GRPEL2: variants seen among roughly 807,000 people sequenced by gnomAD.
GRPEL2 encodes GrpE like 2, mitochondrial.
In GRPEL2, 18 loss-of-function variants were observed where a neutral mutation model predicts 25.9. That is an observed-to-expected ratio of 0.70 (90% CI 0.48 to 1.03). The LOEUF (loss-of-function observed/expected upper bound fraction) is 1.03, where lower values mean the gene tolerates loss of function less well. GRPEL2 is among the 50% of genes least tolerant of loss of function. The pLI is 0.00. For synonymous variants in GRPEL2, 106 were observed against 107.9 expected, an observed-to-expected ratio of 0.98 and a Z score of 0.11; for missense variants, 247 against 276.2, an observed-to-expected ratio of 0.89 and a Z score of 0.75.
chr5:149,351,400 C>T lies in GRPEL2; in HGVS notation c.*118C>T. The T allele has an allele frequency of 9.0e-7, 1 of 1,106,826 alleles. No individual in the cohort carries two copies. Among genetic ancestry groups the T allele is most frequent in the Non-Finnish European group, 1.3e-6 (1 of 783,600 alleles). 68.6% of individuals were successfully genotyped at this position (1,106,826 alleles called of 1,614,324 possible). A position where few individuals can be genotyped will look rare whatever the true frequency, so the allele number is the denominator to read the frequency against. ...TCATGTGATATGTTTTGGATTTAGT[C>T]ATATTGGCTTTATTTCTAAGATATT... On this transcript the variant is annotated 3_prime_UTR_variant, in exon 4 of 4. Coordinates refer to ENST00000329271, the MANE Select transcript of GRPEL2 (RefSeq NM_152407.4).
chr5:149,347,984 A>G (rs570025752), intron 1 of GRPEL2: 1 of 260,464 alleles, frequency 3.8e-6, no homozygotes, highest in South Asian at 1.1e-4. Flanking sequence ...CAACTATGTG[A>G]TCTTGAGCAG....
intron 3 of GRPEL2, 80 bp from the exon 4 acceptor site, chr5:149,350,838 A>G (rs937681543): frequency 7.5e-6 from 11 of 1,468,648 alleles, no homozygotes; most frequent in Middle Eastern, 1.8e-4. Context: ...CTAGCCGTCT[A>G]TCTAGGCCTT....
At chr5:149,348,132 G>C (rs1757718279) in intron 1 of GRPEL2, 140 bp from the exon 2 acceptor site, 1 of 691,940 alleles carries the variant, frequency 1.4e-6, no homozygotes, top group African/African-American at 1.8e-5. Flanking sequence ...TAAGGACTTC[G>C]TAAGTGTTCA....
chr5:149,346,904 A>AT (rs1272183164), intron 1 of GRPEL2, among the ~76,000 whole-genome samples: 1 of 151,366 alleles, frequency 6.6e-6, no homozygotes, highest in Non-Finnish European at 1.5e-5. Context: ...CGCCCAGCTA[A>AT]TTTTTTGTAT....
chr5:149,351,109 A>G lies in GRPEL2; in HGVS notation c.505A>G (p.Ile169Val). 1.2e-6 allele frequency: 2 copies of G among 1,614,224 alleles called. No homozygotes were observed. Among genetic ancestry groups the G allele is most frequent in the Non-Finnish European group, 1.7e-6 (2 of 1,180,032 alleles). ...GCATGGCCTGGAGAAACTGACACCC[A>G]TTGGTGACAAATATGACCCCCATGA... is the stretch of plus-strand genomic sequence containing the variant. ...AKHGLEKLTP[I>V]GDKYDPHEHE... The change falls in exon 4 of 4, where the codon ATT becomes GTT. Residue 169 changes from isoleucine (I) to valine (V), a missense_variant. Physicochemically the swap from Ile to Val is conservative, Grantham distance 29. Around this residue, in one of 2 missense-constraint regions of GRPEL2, gnomAD observed 122 missense variants for 169.2 expected, o/e 0.72. Transcript: ENST00000329271.
rs781392731 is a variant in GRPEL2 at position 149,345,593 on chromosome 5, C to T, written c.54C>T (p.Ala18=). 1.2e-6 allele frequency: 2 copies of T among 1,611,368 alleles called. No individual in the cohort carries two copies. Among genetic ancestry groups the T allele is most frequent in the South Asian group, 1.1e-5 (1 of 90,454 alleles). Residue 18 remains alanine, a synonymous_variant, in exon 1 of 4, where the codon GCC becomes GCT. Coordinates refer to ENST00000329271, the MANE Select transcript of GRPEL2 (RefSeq NM_152407.4). ...AGRLRVQRLL[A]WSAAWESKGW... is the part of the protein sequence containing the mutation. Reference sequence around the variant, plus strand: ...GGCTGCGGGTGCAGCGCCTACTGGCCTGGAGTGCCGCGTGGGAGAGCAAGT... The same window carrying T: ...GGCTGCGGGTGCAGCGCCTACTGGCTTGGAGTGCCGCGTGGGAGAGCAAGT...
Position 149,348,442 on chromosome 5 carries a change from TTTC to T in GRPEL2, c.231+24_231+26del, listed in dbSNP as rs766391862. On this transcript the variant is annotated intron_variant, in intron 2 of 3. Coordinates refer to ENST00000329271, the MANE Select transcript of GRPEL2 (RefSeq NM_152407.4). ...GATTTAACAGTGAGTCAATTTTATA[TTTC>T]TTCTTCATATCCTCTCTCTAGTTTA... is the stretch of plus-strand genomic sequence containing the variant. The T allele has an allele frequency of 4.5e-6, 7 of 1,572,630 alleles. No homozygotes were observed. Among genetic ancestry groups the T allele is most frequent in the Non-Finnish European group, 5.2e-6 (6 of 1,160,428 alleles).
chr5:149,351,114 T>C lies in GRPEL2; in HGVS notation c.510T>C (p.Gly170=). The C allele has an allele frequency of 6.2e-7, 1 of 1,614,182 alleles. No homozygotes were observed. The highest frequency in any genetic ancestry group is 8.5e-7 in the Non-Finnish European group (1 of 1,180,028). Residue 170 remains glycine (G), a synonymous_variant, in exon 4 of 4, where the codon GGT becomes GGC. Coordinates refer to ENST00000329271, the MANE Select transcript of GRPEL2 (RefSeq NM_152407.4). ...GCCTGGAGAAACTGACACCCATTGG[T>C]GACAAATATGACCCCCATGAGCATG... ...KHGLEKLTPI[G]DKYDPHEHEL...
intron 1 of GRPEL2, 108 bp downstream of exon 1, chr5:149,345,724 G>A (rs1757677634): frequency 1.1e-6 from 1 of 897,516 alleles, no homozygotes; most frequent in Non-Finnish European, 1.7e-6. Flanking sequence ...CGTAGGCCAG[G>A]GGACCAAGCT....
rs1438950505 is a variant in GRPEL2, at chr5:149,351,126, C to A, written c.522C>A (p.Asp174Glu). The change falls in exon 4 of 4, where the codon GAC (aspartate) becomes GAA (glutamate). Residue 174 changes from aspartate to glutamate, a missense_variant. Asp to Glu is a conservative substitution (Grantham distance 45). Coordinates refer to ENST00000329271, the MANE Select transcript of GRPEL2 (RefSeq NM_152407.4). ...TGACACCCATTGGTGACAAATATGA[C>A]CCCCATGAGCATGAACTCATCTGTC... ...EKLTPIGDKYDPHEHELICHV... is the reference protein window; with the variant it reads ...EKLTPIGDKYEPHEHELICHV... The A allele has an allele frequency of 6.2e-7, 1 of 1,614,154 alleles. No homozygotes were observed. Among genetic ancestry groups the A allele is most frequent in the South Asian group, 1.1e-5 (1 of 91,084 alleles).
In GRPEL2 at chr5:149,350,975, C is replaced by T. The variant is rs758874716; in HGVS notation, c.371C>T (p.Thr124Ile). The T allele has an allele frequency of 1.2e-6, 2 of 1,614,084 alleles. No homozygotes were observed. The highest frequency in any genetic ancestry group is 2.2e-5 in the East Asian group (1 of 44,888). Reference protein sequence around the residue: ...VEVADILEKTTECISEESEPE... With the variant: ...VEVADILEKTIECISEESEPE... ...GTGGCTGACATTTTGGAGAAGACTACAGAGTGCATTTCTGAAGAATCGGAG... is the reference window on the plus strand; with the variant it reads ...GTGGCTGACATTTTGGAGAAGACTATAGAGTGCATTTCTGAAGAATCGGAG... The change falls in exon 4 of 4, where the codon ACA (threonine) becomes ATA (isoleucine). Residue 124 changes from threonine to isoleucine, a missense_variant. Coordinates refer to ENST00000329271, the MANE Select transcript of GRPEL2 (RefSeq NM_152407.4).
At chr5:149,349,182 G>A (rs1275845054) in intron 2 of GRPEL2, among the ~76,000 whole-genome samples, 2 of 152,098 alleles carry the variant, frequency 1.3e-5, no homozygotes, top group African/African-American at 4.8e-5. Flanking sequence ...TTTTAGTAGA[G>A]ACAGGGTTTT....
intron 1 of GRPEL2, 29 bp downstream of exon 1, chr5:149,345,645 C>A: frequency 9.6e-6 from 15 of 1,566,154 alleles, no homozygotes; most frequent in Non-Finnish European, 1.3e-5. Context: ...GAGTCGGGAG[C>A]GTGAGGACTC....
chr5:149,351,612 A>G lies in GRPEL2; in HGVS notation c.*330A>G, dbSNP rs565274471. Reference sequence around the variant, plus strand: ...TACATGTTTCTTCCTAGCGGTCTCTATAACAGGAATTGTGTAGTATCTTGT... The same window carrying G: ...TACATGTTTCTTCCTAGCGGTCTCTGTAACAGGAATTGTGTAGTATCTTGT... On this transcript the variant is annotated 3_prime_UTR_variant, in exon 4 of 4. Coordinates refer to ENST00000329271, the MANE Select transcript of GRPEL2 (RefSeq NM_152407.4). 1.5e-4 allele frequency: 31 copies of G among 208,726 alleles called. No individual in the cohort carries two copies. Among genetic ancestry groups the G allele is most frequent in the African/African-American group, 6.4e-4 (28 of 43,838 alleles). The allele number at this position is 208,726 out of a possible 1,614,324, so 12.9% of individuals were successfully genotyped here. A position where few individuals can be genotyped will look rare whatever the true frequency, so the allele number is the denominator to read the frequency against.
chr5:149,349,602 C>T, intron 2 of GRPEL2, 52 bp from the exon 3 acceptor site: 2 of 1,265,006 alleles, frequency 1.6e-6, no homozygotes, highest in Non-Finnish European at 2.2e-6. Context: ...CATTCTCTTC[C>T]ACCAATAAGT....
intron 1 of GRPEL2, among the ~76,000 whole-genome samples, chr5:149,347,891 T>G (rs1036919346): frequency 6.6e-6 from 1 of 152,218 alleles, no homozygotes; most frequent in Non-Finnish European, 1.5e-5. Context: ...TACTAGCATT[T>G]GGTTTCCTTA....
Position 149,351,276 on chromosome 5 carries a change from A to T in GRPEL2, c.672A>T (p.Arg224Ser), listed in dbSNP as rs1205427225. 1 of 1,606,024 alleles carries T rather than the reference A, an allele frequency of 6.2e-7. No individual in the cohort carries two copies. The highest frequency in any genetic ancestry group is 2.2e-5 in the East Asian group (1 of 44,648). ...AAGTGGCAGTGGAGTCTCAGAGAAG[A>T]CTGTGAAGAGGCCATCAGGAACTGG... ...RVEVAVESQR[R>S]L The change falls in exon 4 of 4, where the codon AGA (arginine) becomes AGT (serine). Residue 224 changes from arginine (R) to serine (S), a missense_variant. Around this residue, in one of 2 missense-constraint regions of GRPEL2, gnomAD observed 122 missense variants for 169.2 expected, o/e 0.72. Coordinates refer to ENST00000329271, the MANE Select transcript of GRPEL2 (RefSeq NM_152407.4).
At chr5:149,350,875 G>C (rs1400008861) in intron 3 of GRPEL2, 43 bp from the exon 4 acceptor site, 2 of 1,600,290 alleles carry the variant, frequency 1.2e-6, no homozygotes. Flanking sequence ...CACGGGCAGA[G>C]TGATTTCCTC....
intron 2 of GRPEL2, among the ~76,000 whole-genome samples, 166 bp downstream of exon 2, chr5:149,348,591 T>C (rs1757725771): frequency 6.6e-6 from 1 of 152,354 alleles, no homozygotes; most frequent in Non-Finnish European, 1.5e-5. Context: ...AGAAAAAAAC[T>C]GTAGTAGTTG....
Sources: gnomAD v4.1 joint callset for allele counts (sites outside exome capture counted in the v4.1 genomes callset) on GRCh38, gnomAD v4.1.1 for gene constraint, gnomAD v4.1.1 regional missense constraint, MANE v1.5 for transcripts, NCBI Gene and HGNC (gene_info 2026-07-23, HGNC 2026-07-21) for gene names.